Variants in LINGO2 observed in about 807,000 individuals in gnomAD.
LINGO2 encodes leucine-rich repeat and immunoglobulin-like domain-containing nogo receptor-interacting protein 2.
A neutral mutation model predicts 30.6 loss-of-function variants in LINGO2; 14 were observed. The observed-to-expected ratio is 0.46, with a 90% CI of 0.30 to 0.72. The LOEUF (loss-of-function observed/expected upper bound fraction) is 0.72, where lower values mean the gene tolerates loss of function less well. Ranked by LOEUF, LINGO2 falls within the 30% of genes least tolerant of loss-of-function variation. The probability of loss-of-function intolerance (pLI) is 0.07; values close to 1 mark genes in which losing one functional copy is unlikely to be tolerated. For missense variants in LINGO2, 729 were observed against 751.7 expected (o/e 0.97, Z 0.35); for synonymous variants, 317 against 288.5 (o/e 1.10, Z -1.00).
the LINGO2 span, among the ~76,000 whole-genome samples, chr9:28,920,725 T>TAC: frequency 0.088 from 13,315 of 150,896 alleles, 669 homozygotes; most frequent in South Asian, 0.15. Context: ...TATATCCAGA[T>TAC]ACACACACAC....
At chr9:28,356,365 T>C (rs911725386) in intron 3 of LINGO2, among the ~76,000 whole-genome samples, 1 of 152,158 alleles carries the variant, frequency 6.6e-6, no homozygotes, top group Non-Finnish European at 1.5e-5. Context: ...TATTGTAACA[T>C]GTATAAACTC....
the LINGO2 span, among the ~76,000 whole-genome samples, chr9:28,954,244 T>C: frequency 6.6e-6 from 1 of 152,174 alleles, no homozygotes; most frequent in Admixed American, 6.6e-5. Context: ...AGTTACACTT[T>C]TATGTTAAAA....
chr9:28,071,004 C>T (rs774778587), intron 4 of LINGO2, among the ~76,000 whole-genome samples: 10 of 152,184 alleles, frequency 6.6e-5, no homozygotes, highest in Admixed American at 3.9e-4. Flanking sequence ...CCTAAGCCAC[C>T]ATGCCTGGCC....
intron 1 of LINGO2, among the ~76,000 whole-genome samples, chr9:28,632,678 ATAAAAATATATT>A (rs1386091209): frequency 1.7e-5 from 2 of 120,768 alleles, no homozygotes; most frequent in East Asian, 5.2e-4. Flanking sequence ...AAATATCTAT[ATAAAAATATATT>A]TATATAGATC....
the LINGO2 span, among the ~76,000 whole-genome samples, chr9:28,975,320 AT>A: frequency 6.6e-6 from 1 of 152,222 alleles, no homozygotes; most frequent in Non-Finnish European, 1.5e-5. Context: ...CTTAATCTAT[AT>A]TTTAAGGCTG....
chr9:28,007,536 T>C (rs1393497238), intron 5 of LINGO2, among the ~76,000 whole-genome samples: 2 of 152,152 alleles, frequency 1.3e-5, no homozygotes, highest in Non-Finnish European at 2.9e-5. Context: ...TTCTGAAATA[T>C]TAAAATGGCT....
intron 3 of LINGO2, among the ~76,000 whole-genome samples, chr9:28,308,036 C>T (rs1334937309): frequency 6.6e-6 from 1 of 150,438 alleles, no homozygotes; most frequent in East Asian, 2.0e-4. Context: ...ATGCCATCCC[C>T]ATCAAGCTAC....
chr9:28,550,598 C>T (rs1030779789), intron 1 of LINGO2, among the ~76,000 whole-genome samples: 8 of 151,766 alleles, frequency 5.3e-5, no homozygotes, highest in African/African-American at 1.7e-4. Context: ...CATCAACAGA[C>T]ACTCTATGGT....
At chr9:28,138,995 C>T (rs1008071036) in intron 4 of LINGO2, among the ~76,000 whole-genome samples, 1 of 152,184 alleles carries the variant, frequency 6.6e-6, no homozygotes, top group Admixed American at 6.5e-5. Context: ...CCTCCACTAT[C>T]AGTAAGTCTC....
intron 5 of LINGO2, among the ~76,000 whole-genome samples, chr9:28,010,415 C>A (rs555730128): frequency 1.3e-5 from 2 of 152,172 alleles, no homozygotes; most frequent in Non-Finnish European, 2.9e-5. Flanking sequence ...CTTTCCTCAC[C>A]CATATGATAC....
the LINGO2 span, among the ~76,000 whole-genome samples, chr9:28,762,396 T>C: frequency 6.6e-6 from 1 of 151,968 alleles, no homozygotes; most frequent in African/African-American, 2.4e-5. Context: ...AAGGTGCTCT[T>C]TAGGTTAACT....
the LINGO2 span, among the ~76,000 whole-genome samples, chr9:28,985,345 C>T: frequency 1.8e-4 from 28 of 151,994 alleles, no homozygotes; most frequent in African/African-American, 5.8e-4. Flanking sequence ...CAGACACCTC[C>T]GACAAACTGA....
At chr9:28,919,698 G>C in the LINGO2 span, among the ~76,000 whole-genome samples, 1 of 151,902 alleles carries the variant, frequency 6.6e-6, no homozygotes, top group African/African-American at 2.4e-5. Context: ...GACAAAGAAG[G>C]TTACTTTTAC....
chr9:28,714,282 C>A, the LINGO2 span, among the ~76,000 whole-genome samples: 1 of 151,614 alleles, frequency 6.6e-6, no homozygotes, highest in East Asian at 1.9e-4. Flanking sequence ...AACATCTCAA[C>A]ACTTCCATGC....
At chr9:28,561,974 A>G (rs1435180553) in intron 1 of LINGO2, among the ~76,000 whole-genome samples, 1 of 151,410 alleles carries the variant, frequency 6.6e-6, no homozygotes. Context: ...TATTTTTTAA[A>G]CTGAAAACAA....
chr9:29,047,895 G>A, the LINGO2 span, among the ~76,000 whole-genome samples: 1 of 150,906 alleles, frequency 6.6e-6, no homozygotes, highest in African/African-American at 2.4e-5. Context: ...GAGGCCAAGA[G>A]GAGTTTGAGA....
chr9:28,348,218 G>T (rs1223901302), intron 3 of LINGO2, among the ~76,000 whole-genome samples: 1 of 152,254 alleles, frequency 6.6e-6, no homozygotes, highest in East Asian at 1.9e-4. Context: ...GGTGATTTCT[G>T]CATTTCCATC....
At chr9:29,095,525 A>T in the LINGO2 span, among the ~76,000 whole-genome samples, 3 of 138,672 alleles carry the variant, frequency 2.2e-5, no homozygotes, top group African/African-American at 8.1e-5. Context: ...ACAACAGGGT[A>T]TCAATGCATG....
chr9:28,636,072 G>T (rs969563101), intron 1 of LINGO2, among the ~76,000 whole-genome samples: 12 of 152,032 alleles, frequency 7.9e-5, no homozygotes, highest in Non-Finnish European at 1.2e-4. Flanking sequence ...AGAACATGCA[G>T]TCTTTGGTTT....
Sources: allele counts gnomAD v4.1 joint callset (sites outside exome capture counted in the v4.1 genomes callset), GRCh38; gene constraint gnomAD v4.1.1; transcripts MANE v1.5; gene names NCBI Gene and HGNC (gene_info 2026-07-23, HGNC 2026-07-21).